The following SOHLH1 variants were observed in gnomAD, a reference collection of about 807,000 sequenced individuals.
The protein encoded by SOHLH1 is spermatogenesis- and oogenesis-specific basic helix-loop-helix-containing protein 1.
Under a neutral mutation model 36.2 loss-of-function variants are expected in SOHLH1, and 23 were observed. The ratio of observed to expected loss-of-function variants is 0.64; its 90% CI spans 0.46 to 0.90. The LOEUF (loss-of-function observed/expected upper bound fraction) is 0.90. SOHLH1 is among the 40% of genes least tolerant of loss of function. SOHLH1 has a pLI of 0.00. For missense variants in SOHLH1, 608 were observed against 517.0 expected, an observed-to-expected ratio of 1.18 and a Z score of -1.71; for synonymous variants, 289 against 228.3, an observed-to-expected ratio of 1.27 and a Z score of -2.40.
Position 135,693,502 on chromosome 9 carries a change from A to G in SOHLH1, c.*95T>C. The G allele has an allele frequency of 4.1e-6, 6 of 1,460,706 alleles. No individual in the cohort carries two copies. Among genetic ancestry groups the G allele is most frequent in the Non-Finnish European group, 5.5e-6 (6 of 1,095,678 alleles). 90.5% of individuals were successfully genotyped at this position (1,460,706 alleles called of 1,614,324 possible). A position where few individuals can be genotyped will look rare whatever the true frequency, so the allele number is the denominator to read the frequency against. On this transcript the variant is annotated 3_prime_UTR_variant, in exon 8 of 8. Coordinates refer to ENST00000425225, the MANE Select transcript of SOHLH1 (RefSeq NM_001101677.2). The stretch of plus-strand genomic sequence containing the variant: ...TCGCTCAAATTAGGGTGCAGCTGCA[A>G]CCCAAACCCAAAATAAAATGCCCAA...
chr9:135,700,567 C>G (rs1244240181), upstream of SOHLH1, among the ~76,000 whole-genome samples: 3 of 152,048 alleles, frequency 2.0e-5, no homozygotes, highest in Admixed American at 2.0e-4. Context: ...AGAAGGAGCC[C>G]GGGCAGGTGC....
upstream of SOHLH1, among the ~76,000 whole-genome samples, chr9:135,701,656 TC>T (rs1417005544): frequency 7.0e-6 from 1 of 143,748 alleles, no homozygotes; most frequent in Non-Finnish European, 1.5e-5. Flanking sequence ...GTCATCCCCC[TC>T]CCCCAGGCCA....
In SOHLH1 at chr9:135,696,618, A is replaced by C; in HGVS notation, c.655T>G (p.Phe219Val). 1 of 1,612,332 alleles carries C rather than the reference A, an allele frequency of 6.2e-7. No individual in the cohort carries two copies. The highest frequency in any genetic ancestry group is 8.5e-7 in the Non-Finnish European group (1 of 1,179,694). Residue 219 changes from phenylalanine to valine, a missense_variant, in exon 5 of 8, where the codon TTC (phenylalanine) becomes GTC (valine). Phe to Val is a conservative substitution (Grantham distance 50). Transcript: ENST00000425225. The stretch of plus-strand genomic sequence containing the variant: ...ATGCACACCCAGGACTCACCTGAGA[A>C]AGGGGGCAGCCCACCCCGCACCTGG... ...LCQVRGGLPP[F>V]SEPSSLVPWP...
intron 5 of SOHLH1, 134 bp downstream of exon 5, chr9:135,696,478 T>A: frequency 1.9e-6 from 2 of 1,046,428 alleles, no homozygotes; most frequent in East Asian, 2.6e-5. Flanking sequence ...AACACGTGGG[T>A]TTCTCACCAA....
In SOHLH1 at chr9:135,699,126, G is replaced by A; in HGVS notation, c.66C>T (p.Asn22=). The part of the protein sequence containing the change: ...VSRIPTVRGC[N]GSLSGALSCC... Reference sequence around the variant, plus strand: ...AGGAGAGGGCACCAGACAGGGAGCCGCTGCCGAGAAAGCCAAGAGCACCGG... The same window carrying A: ...AGGAGAGGGCACCAGACAGGGAGCCACTGCCGAGAAAGCCAAGAGCACCGG... Residue 22 remains asparagine (N), a splice_region_variant and synonymous_variant, in exon 2 of 8, where the codon AAC becomes AAT. Coordinates refer to ENST00000425225, the MANE Select transcript of SOHLH1 (RefSeq NM_001101677.2). 4.4e-6 allele frequency: 7 copies of A among 1,596,304 alleles called. No homozygotes were observed. Among genetic ancestry groups the A allele is most frequent in the Non-Finnish European group, 5.1e-6 (6 of 1,174,540 alleles).
intron 1 of SOHLH1, 65 bp downstream of exon 1, chr9:135,699,338 G>A (rs1182813365): frequency 1.3e-6 from 2 of 1,548,806 alleles, no homozygotes; most frequent in East Asian, 4.6e-5. Context: ...CCAGCAACTT[G>A]CGGAAGAACC....
intron 4 of SOHLH1, 152 bp from the exon 5 acceptor site, chr9:135,696,957 G>A: frequency 1.1e-6 from 1 of 873,086 alleles, no homozygotes; most frequent in East Asian, 2.6e-5. Context: ...AGGGGCCCTG[G>A]GCCAGCCAAG....
chr9:135,694,908 C>CT (rs1357869868), intron 6 of SOHLH1, 142 bp downstream of exon 6: 15 of 971,496 alleles, frequency 1.5e-5, no homozygotes, highest in Non-Finnish European at 1.8e-5. Flanking sequence ...CTTGGCCTCC[C>CT]TCCCACGGGC....
intron 3 of SOHLH1, 46 bp from the exon 4 acceptor site, chr9:135,697,673 T>C: frequency 6.3e-7 from 1 of 1,591,410 alleles, no homozygotes. Context: ...GACAGTCAGC[T>C]GAGAAACCCA....
At position 135,693,807 on chromosome 9, in the gene SOHLH1, C is replaced by T. The variant is rs1470210250; in HGVS notation, c.954G>A (p.Leu318=). The T allele has an allele frequency of 6.4e-7, 1 of 1,568,368 alleles. No individual in the cohort carries two copies. The highest frequency in any genetic ancestry group is 1.2e-5 in the South Asian group (1 of 85,422). The change falls in exon 8 of 8, where the codon CTG becomes CTA. Residue 318 remains leucine, a synonymous_variant. Transcript: ENST00000425225. ...CAGGGCCACTGCCTCCTCGACCCTCCAGAGACCCTGGAAGCAAACAGGACA... is the reference window on the plus strand; with the variant it reads ...CAGGGCCACTGCCTCCTCGACCCTCTAGAGACCCTGGAAGCAAACAGGACA... ...TAGPSSWPGS[L]EGRGGSGPAW...
Position 135,699,443 on chromosome 9 carries a change from A to G in SOHLH1, c.25T>C (p.Tyr9His). 5 of 1,612,342 alleles carry G rather than the reference A, an allele frequency of 3.1e-6. No homozygotes were observed. The highest frequency in any genetic ancestry group is 4.2e-6 in the Non-Finnish European group (5 of 1,179,810). The change falls in exon 1 of 8, where the codon TAC becomes CAC. Residue 9 changes from tyrosine (Y) to histidine (H), a missense_variant. By Grantham distance (83) the Tyr-to-His change is moderately conservative. Transcript: ENST00000425225. MASRCSEP[Y>H]PEVSRIPTVR... is the part of the protein sequence containing the mutation. ...GTAGGGATTCTGGAGACCTCCGGGT[A>G]GGGCTCGGAGCACCGGGACGCCATG...
Position 135,699,054 on chromosome 9 carries a change from C to T in SOHLH1, c.138G>A (p.Thr46=), listed in dbSNP as rs201287340. ...GGCAGGAGCTGGGACCCTCGGCCAC[C>T]GTAGGGGCCTTGGGCGGGCCCGAGC... The part of the protein sequence containing the change: ...ARGSGPPKAP[T]VAEGPSSCLR... Residue 46 remains threonine (T), a synonymous_variant, in exon 2 of 8, where the codon ACG becomes ACA. Transcript: ENST00000425225. 1.2e-3 allele frequency: 1,982 copies of T among 1,611,298 alleles called. 3 individuals carry two copies. Among genetic ancestry groups the T allele is most frequent in the Non-Finnish European group, 1.5e-3 (1,747 of 1,179,674 alleles).
chr9:135,699,914 AC>A (rs1834974641), upstream of SOHLH1, among the ~76,000 whole-genome samples: 1 of 150,626 alleles, frequency 6.6e-6, no homozygotes, highest in Non-Finnish European at 1.5e-5. Flanking sequence ...GGCCTGGGGG[AC>A]CCAGGGACAC....
chr9:135,697,587 TC>T lies in SOHLH1; in HGVS notation c.385del (p.Glu129ArgfsTer6), dbSNP rs1564299790. On this transcript the variant is annotated frameshift_variant, in exon 4 of 8. Transcript: ENST00000425225. LOFTEE classifies it high-confidence loss of function. ...CGACAACGTCAACTGTAAAACATCC[TC>T]CTGCAACGAGTGCCACATTTCCTTG... ...SSKEMWHSLQ[E>X]DVLQLTLSSQ... 6.2e-7 allele frequency: 1 copy of T among 1,612,530 alleles called. No homozygotes were observed. Among genetic ancestry groups the T allele is most frequent in the Non-Finnish European group, 8.5e-7 (1 of 1,179,644 alleles).
chr9:135,696,257 C>G (rs1211779744), intron 5 of SOHLH1, among the ~76,000 whole-genome samples: 1 of 150,746 alleles, frequency 6.6e-6, no homozygotes, highest in Non-Finnish European at 1.5e-5. Context: ...CCAGCAGACC[C>G]AGGGACCCAG....
chr9:135,697,372 C>G lies in SOHLH1; in HGVS notation c.467+134G>C, dbSNP rs573024585. 10 of 1,353,852 alleles carry G rather than the reference C, an allele frequency of 7.4e-6. No individual in the cohort carries two copies. In the South Asian group the frequency reaches 1.2e-4, roughly 17 times the overall value. 83.9% of individuals were successfully genotyped at this position (1,353,852 alleles called of 1,614,324 possible). A position where few individuals can be genotyped will look rare whatever the true frequency, so the allele number is the denominator to read the frequency against. ...CCTGGCCACCTGAGTTGGCAGGGCC[C>G]TGGGCAGGTCACCACCTGCGGAGGC... On this transcript the variant is annotated intron_variant, in intron 4 of 7. Coordinates refer to ENST00000425225, the MANE Select transcript of SOHLH1 (RefSeq NM_001101677.2).
chr9:135,695,171 T>A lies in SOHLH1; in HGVS notation c.754A>T (p.Thr252Ser), dbSNP rs1374092508. The A allele has an allele frequency of 1.2e-6, 2 of 1,604,056 alleles. No homozygotes were observed. Among genetic ancestry groups the A allele is most frequent in the Non-Finnish European group, 1.7e-6 (2 of 1,177,000 alleles). Residue 252 changes from threonine (T) to serine (S), a missense_variant, in exon 6 of 8, where the codon ACC (threonine) becomes TCC (serine). Thr to Ser is a moderately conservative substitution (Grantham distance 58). Coordinates refer to ENST00000425225, the MANE Select transcript of SOHLH1 (RefSeq NM_001101677.2). ...GCCTCCCCGCTCATCACGGGCAAGG[T>A]CTGCTGCTGCGAGAACGGAGGCCAG... ...LSWPPFSQQQ[T>S]LPVMSGEALG...
intron 7 of SOHLH1, 46 bp downstream of exon 7, chr9:135,694,341 G>C: frequency 1.2e-6 from 2 of 1,612,066 alleles, no homozygotes; most frequent in Non-Finnish European, 1.7e-6. Context: ...GCTCATATCA[G>C]GTGCTTACGC....
chr9:135,693,837 G>T (rs770421244), intron 7 of SOHLH1, 23 bp from the exon 8 acceptor site: 2 of 1,530,590 alleles, frequency 1.3e-6, no homozygotes, highest in South Asian at 2.4e-5. Flanking sequence ...AGGACACATC[G>T]GCAGGGCAGG....
Sources: gnomAD v4.1 joint callset for allele counts (sites outside exome capture counted in the v4.1 genomes callset) on GRCh38, gnomAD v4.1.1 for gene constraint, MANE v1.5 for transcripts, NCBI Gene and HGNC (gene_info 2026-07-23, HGNC 2026-07-21) for gene names.